Variants in CRKL observed in about 807,000 individuals in gnomAD.
The protein encoded by CRKL is crk-like protein.
A neutral mutation model predicts 23.0 loss-of-function variants in CRKL; 3 were observed. The observed-to-expected ratio is 0.13, with a 90% CI of 0.06 to 0.34. The LOEUF (loss-of-function observed/expected upper bound fraction) is 0.34. CRKL is among the 10% of genes least tolerant of loss of function. The pLI is 1.00. For missense variants in CRKL, 256 were observed against 394.5 expected (o/e 0.65, Z 2.97); for synonymous variants, 188 against 160.7 (o/e 1.17, Z -1.28).
chr22:20,938,029 C>T (rs1199012769), intron 2 of CRKL, among the ~76,000 whole-genome samples: 1 of 152,070 alleles, frequency 6.6e-6, no homozygotes, highest in African/African-American at 2.4e-5. Context: ...TGATTGTTAT[C>T]TTCTAAAACT....
intron 1 of CRKL, among the ~76,000 whole-genome samples, chr22:20,925,056 C>T (rs1056870281): frequency 1.3e-5 from 2 of 151,994 alleles, no homozygotes; most frequent in East Asian, 3.9e-4. Context: ...GGCGTGGTGG[C>T]ATGCATCTGT....
chr22:20,932,814 C>T (rs1346778659), intron 1 of CRKL, among the ~76,000 whole-genome samples: 2 of 151,772 alleles, frequency 1.3e-5, no homozygotes, highest in Non-Finnish European at 2.9e-5. Context: ...TGGTGGCTCA[C>T]ACCTGTAATG....
At chr22:20,947,265 C>T (rs1273427751) in intron 2 of CRKL, among the ~76,000 whole-genome samples, 2 of 148,490 alleles carry the variant, frequency 1.3e-5, no homozygotes, top group South Asian at 2.1e-4. Context: ...TCAATAGAAG[C>T]TAGGTCTCAC....
intron 1 of CRKL, among the ~76,000 whole-genome samples, chr22:20,927,488 G>A (rs1020034783): frequency 2.1e-5 from 3 of 143,358 alleles, no homozygotes; most frequent in Admixed American, 7.1e-5. Flanking sequence ...CAGTCACCAC[G>A]CCCAGCTGGA....
chr22:20,949,913 C>T lies in CRKL; in HGVS notation c.*68C>T, dbSNP rs1707986565. 6.5e-7 allele frequency: 1 copy of T among 1,535,884 alleles called. No individual in the cohort carries two copies. The highest frequency in any genetic ancestry group is 8.7e-7 in the Non-Finnish European group (1 of 1,145,990). On this transcript the variant is annotated 3_prime_UTR_variant, in exon 3 of 3. Transcript: ENST00000354336. ...CCTAGTCTCCTTTGAAGTGGGAAAG[C>T]ATTTTCTCTCATAGGCAAGTCACAC...
chr22:20,941,609 T>TTTTTTG, intron 2 of CRKL, among the ~76,000 whole-genome samples: 1 of 119,816 alleles, frequency 8.3e-6, no homozygotes. Flanking sequence ...TTTTTTTTTT[T>TTTTTTG]TTTGAGATAG....
chr22:20,949,213 C>T (rs1360961714), intron 2 of CRKL, among the ~76,000 whole-genome samples: 1 of 152,032 alleles, frequency 6.6e-6, no homozygotes, highest in Non-Finnish European at 1.5e-5. Flanking sequence ...GCAGCCTCAG[C>T]CTCATGGGCT....
chr22:20,927,111 CAAAAAAA>C (rs371278201), intron 1 of CRKL, among the ~76,000 whole-genome samples: 3 of 48,530 alleles, frequency 6.2e-5, no homozygotes, highest in Non-Finnish European at 9.3e-5. Context: ...GACTCCGTCT[CAAAAAAA>C]AAAAAAAAAA....
chr22:20,934,315 T>C (rs577779356), intron 2 of CRKL, 71 bp downstream of exon 2: 4 of 1,326,250 alleles, frequency 3.0e-6, no homozygotes, highest in African/African-American at 2.9e-5. Flanking sequence ...TAGTTTAGTT[T>C]CTGCTCATTT....
intron 2 of CRKL, among the ~76,000 whole-genome samples, chr22:20,945,380 A>T (rs1922023605): frequency 6.6e-6 from 1 of 152,024 alleles, no homozygotes; most frequent in South Asian, 2.1e-4. Context: ...ACTTTGCTGA[A>T]TTTGTATCTT....
intron 1 of CRKL, among the ~76,000 whole-genome samples, chr22:20,933,205 C>T (rs889009254): frequency 2.6e-5 from 4 of 151,048 alleles, no homozygotes; most frequent in Non-Finnish European, 5.9e-5. Context: ...TCCGTCTCTA[C>T]TAAAAATAGA....
rs1232982264 is a variant in CRKL at position 20,950,114 on chromosome 22, G to A, written c.*269G>A. The A allele has an allele frequency of 3.8e-5, 17 of 442,186 alleles. No individual in the cohort carries two copies. Among genetic ancestry groups the A allele is most frequent in the Non-Finnish European group, 6.3e-5 (16 of 252,890 alleles). The allele number at this position is 442,186 out of a possible 1,614,324, so 27.4% of individuals were successfully genotyped here. Reference sequence around the variant, plus strand: ...GATGGAAGCACACAAGTGGAGAGAAGTTGACATGGAAAGGGTCTTCCTTCT... The same window carrying A: ...GATGGAAGCACACAAGTGGAGAGAAATTGACATGGAAAGGGTCTTCCTTCT... On this transcript the variant is annotated 3_prime_UTR_variant, in exon 3 of 3. Transcript: ENST00000354336.
intron 2 of CRKL, among the ~76,000 whole-genome samples, chr22:20,944,970 G>A (rs897600101): frequency 7.9e-5 from 12 of 151,608 alleles, no homozygotes; most frequent in Non-Finnish European, 2.9e-5. Context: ...TCAGGCATGA[G>A]CTACCGTGCC....
In CRKL at chr22:20,950,806, C is replaced by A; in HGVS notation, c.*961C>A. The A allele has an allele frequency of 4.4e-6, 1 of 228,834 alleles. No homozygotes were observed. Among genetic ancestry groups the A allele is most frequent in the Non-Finnish European group, 8.7e-6 (1 of 115,344 alleles). The allele number at this position is 228,834 out of a possible 1,614,324, so 14.2% of individuals were successfully genotyped here. ...ATGCCTCTGAGCTTCTAAACTGAAG[C>A]TGCTGTAACTAAAGGAATCTGAAAA... On this transcript the variant is annotated 3_prime_UTR_variant, in exon 3 of 3. Coordinates refer to ENST00000354336, the MANE Select transcript of CRKL (RefSeq NM_005207.4).
intron 2 of CRKL, among the ~76,000 whole-genome samples, chr22:20,943,825 G>A (rs908141863): frequency 2.1e-4 from 13 of 63,174 alleles, no homozygotes; most frequent in South Asian, 1.2e-3. Context: ...AGACTCCCAC[G>A]TGTTAAAAAA....
intron 2 of CRKL, among the ~76,000 whole-genome samples, chr22:20,941,588 A>ATATATTTTTTTTTTTTTT (rs1247116681): frequency 3.0e-5 from 1 of 33,554 alleles, no homozygotes. Context: ...GTATATATAT[A>ATATATTTTTTTTTTTTTT]TTTTTTTTTT....
intron 2 of CRKL, among the ~76,000 whole-genome samples, chr22:20,941,040 G>A (rs576079330): frequency 2.0e-5 from 3 of 152,110 alleles, no homozygotes; most frequent in Non-Finnish European, 4.4e-5. Context: ...GGCCTGCAGT[G>A]CTCTTGGGGC....
At chr22:20,923,988 A>G (rs1250752157) in intron 1 of CRKL, among the ~76,000 whole-genome samples, 4 of 152,036 alleles carry the variant, frequency 2.6e-5, no homozygotes, top group Non-Finnish European at 5.9e-5. Context: ...GGAGTTTGAG[A>G]CCAGCCCTGG....
intron 1 of CRKL, among the ~76,000 whole-genome samples, chr22:20,932,831 C>T (rs1921504425): frequency 1.3e-5 from 2 of 151,932 alleles, no homozygotes; most frequent in Admixed American, 1.3e-4. Flanking sequence ...AATGACAGCA[C>T]TTTGGGAGGC....
Sources: gnomAD v4.1 joint callset for allele counts (sites outside exome capture counted in the v4.1 genomes callset) on GRCh38, gnomAD v4.1.1 for gene constraint, MANE v1.5 for transcripts, NCBI Gene and HGNC (gene_info 2026-07-23, HGNC 2026-07-21) for gene names.